The following LRRK1 variants were observed in gnomAD, a reference collection of about 807,000 sequenced individuals.
The protein encoded by LRRK1 is leucine rich repeat kinase 1, also known as leucine-rich repeat serine/threonine-protein kinase 1.
LRRK1 carries 113 observed loss-of-function variants against 209.1 expected under a neutral mutation model. The observed-to-expected ratio is 0.54, with a 90% confidence interval of 0.46 to 0.63. LRRK1 has a LOEUF of 0.63. Ranked by LOEUF, LRRK1 falls within the 30% of genes least tolerant of loss-of-function variation. The probability of loss-of-function intolerance (pLI) is 0.00; values close to 1 mark genes in which losing one functional copy is unlikely to be tolerated. For missense variants in LRRK1, 2,284 were observed against 2,632.2 expected (o/e 0.87, Z 2.89); for synonymous variants, 1,144 against 1,099.7 (o/e 1.04, Z -0.80).
rs1294112177 is a variant in LRRK1, at chr15:101,065,789, G to A, written c.5352G>A (p.Arg1784=). The A allele has an allele frequency of 6.8e-6, 11 of 1,614,058 alleles. No homozygotes were observed. Among genetic ancestry groups the A allele is most frequent in the African/African-American group, 4.0e-5 (3 of 75,014 alleles). Reference sequence around the variant, plus strand: ...TCTGCGGGGTCCCCAGCCCCCTCAGGGACATGTTTCCCGTGCGGCCCTTGG... The same window carrying A: ...TCTGCGGGGTCCCCAGCCCCCTCAGAGACATGTTTCCCGTGCGGCCCTTGG... The part of the protein sequence containing the change: ...RYFCGVPSPL[R]DMFPVRPLDT... Residue 1784 remains arginine (R), a synonymous_variant, in exon 32 of 34, where the codon AGG becomes AGA. Transcript: ENST00000388948.
chr15:100,999,288 C>T (rs1009324633), intron 6 of LRRK1, among the ~76,000 whole-genome samples: 2 of 152,094 alleles, frequency 1.3e-5, no homozygotes, highest in Admixed American at 1.3e-4. Context: ...TTTTAAAAAC[C>T]TCTCTACCTG....
At chr15:100,985,103 C>G (rs1039798449) in intron 4 of LRRK1, among the ~76,000 whole-genome samples, 7 of 151,954 alleles carry the variant, frequency 4.6e-5, no homozygotes, top group African/African-American at 1.7e-4. Flanking sequence ...TTTGATAGAT[C>G]TGTGCTCAGC....
At chr15:101,010,951 A>T (rs185527259) in intron 9 of LRRK1, 114 bp downstream of exon 9, 2 of 889,072 alleles carry the variant, frequency 2.2e-6, no homozygotes, top group Admixed American at 5.8e-5. Context: ...GAAGCCGGGT[A>T]GAAGGGCCCG....
intron 2 of LRRK1, among the ~76,000 whole-genome samples, chr15:100,961,404 C>T (rs548214907): frequency 3.3e-5 from 5 of 152,234 alleles, no homozygotes; most frequent in Admixed American, 1.3e-4. Flanking sequence ...CCTGTAATCC[C>T]AGCACTTTGG....
intron 23 of LRRK1, among the ~76,000 whole-genome samples, chr15:101,051,315 T>C (rs996233009): frequency 1.3e-5 from 2 of 152,216 alleles, no homozygotes; most frequent in Non-Finnish European, 2.9e-5. Context: ...GTAAACCTGA[T>C]GTTTCTAATT....
intron 2 of LRRK1, among the ~76,000 whole-genome samples, chr15:100,971,967 ATTTTTT>A (rs35045867): frequency 6.8e-6 from 1 of 147,306 alleles, no homozygotes; most frequent in African/African-American, 2.5e-5. Context: ...TGACAAAAGA[ATTTTTT>A]TTTTTTTTAG....
chr15:100,920,340 C>T (rs568334795), intron 1 of LRRK1: 8 of 152,346 alleles, frequency 5.3e-5, no homozygotes, highest in Non-Finnish European at 7.3e-5. Context: ...CACAGGGTAT[C>T]AAAATGCCCA....
At chr15:101,067,360 C>T (rs747082232) in intron 33 of LRRK1, 1 of 446,690 alleles carries the variant, frequency 2.2e-6, no homozygotes. Context: ...TGTTTACACC[C>T]CGCACTTTGA....
At chr15:100,999,252 A>G (rs1296294000) in intron 6 of LRRK1, among the ~76,000 whole-genome samples, 3 of 152,226 alleles carry the variant, frequency 2.0e-5, no homozygotes, top group African/African-American at 7.2e-5. Flanking sequence ...GAAATATTAC[A>G]GAAAAAAGTA....
In LRRK1 at chr15:101,071,088, C is replaced by A. The variant is rs1461463251; in HGVS notation, c.*2240C>A. On this transcript the variant is annotated 3_prime_UTR_variant, in exon 34 of 34. Coordinates refer to ENST00000388948, the MANE Select transcript of LRRK1 (RefSeq NM_024652.6). Reference sequence around the variant, plus strand: ...CCTCACCCAACAGCAGGGAAACAGTCTCCACAACAGTAAAATGTTGCTGGG... The same window carrying A: ...CCTCACCCAACAGCAGGGAAACAGTATCCACAACAGTAAAATGTTGCTGGG... 1 of 152,272 alleles carries A rather than the reference C, an allele frequency of 6.6e-6. No homozygotes were observed. The highest frequency in any genetic ancestry group is 1.9e-4 in the East Asian group (1 of 5,204). The allele number at this position is 152,272 out of a possible 1,614,324, so 9.4% of individuals were successfully genotyped here.
chr15:101,048,473 G>A, intron 21 of LRRK1, 21 bp from the exon 22 acceptor site: 1 of 1,597,924 alleles, frequency 6.3e-7, no homozygotes, highest in East Asian at 2.3e-5. Context: ...ACTTAAGCAG[G>A]GTCTTTTCTC....
At chr15:101,032,899 A>T (rs1307380482) in intron 20 of LRRK1, among the ~76,000 whole-genome samples, 1 of 152,208 alleles carries the variant, frequency 6.6e-6, no homozygotes, top group Non-Finnish European at 1.5e-5. Context: ...GTAGCTTTAG[A>T]GTAAGACTTG....
At chr15:101,067,922 G>A (rs1194795124) in intron 33 of LRRK1, among the ~76,000 whole-genome samples, 1 of 152,192 alleles carries the variant, frequency 6.6e-6, no homozygotes, top group Non-Finnish European at 1.5e-5. Flanking sequence ...CCTCTTTCTC[G>A]CTAGAGGGAG....
intron 2 of LRRK1, among the ~76,000 whole-genome samples, chr15:100,929,528 G>A (rs1158003851): frequency 6.6e-6 from 1 of 152,148 alleles, no homozygotes; most frequent in Admixed American, 6.5e-5. Context: ...GCTCAAGTAG[G>A]GTCTCTTCCT....
Position 101,069,157 on chromosome 15 carries a change from G to A in LRRK1, c.*309G>A. 1 of 248,548 alleles carries A rather than the reference G, an allele frequency of 4.0e-6. No individual in the cohort carries two copies. Among genetic ancestry groups the A allele is most frequent in the Non-Finnish European group, 7.8e-6 (1 of 128,810 alleles). 15.4% of individuals were successfully genotyped at this position (248,548 alleles called of 1,614,324 possible). On this transcript the variant is annotated 3_prime_UTR_variant, in exon 34 of 34. Transcript: ENST00000388948. ...CCCCCATCAGTTTGCAGGAGCAGGG[G>A]TGCAGGATCCTGTTCTGAGCTGGGT...
chr15:101,039,834 CTGT>C (rs950391275), intron 20 of LRRK1, among the ~76,000 whole-genome samples: 5 of 152,276 alleles, frequency 3.3e-5, no homozygotes, highest in African/African-American at 1.2e-4. Flanking sequence ...TGTTCTGCCT[CTGT>C]TAATTTTTTT....
intron 20 of LRRK1, among the ~76,000 whole-genome samples, chr15:101,030,655 C>T (rs1365965396): frequency 2.0e-5 from 3 of 152,176 alleles, no homozygotes; most frequent in African/African-American, 7.2e-5. Flanking sequence ...CCACTCCTCA[C>T]CCCACCTGGA....
intron 3 of LRRK1, among the ~76,000 whole-genome samples, chr15:100,977,272 C>T (rs543454706): frequency 3.2e-4 from 48 of 152,150 alleles, no homozygotes; most frequent in African/African-American, 1.1e-3. Context: ...AGGAAACTTA[C>T]AGGCAGTCAA....
At chr15:100,956,450 T>TTTTTCTTTTTC (rs1555460611) in intron 2 of LRRK1, among the ~76,000 whole-genome samples, 32,795 of 62,522 alleles carry the variant, frequency 0.52, 9,726 homozygotes, top group South Asian at 0.72. Context: ...TTTCCTTTTT[T>TTTTTCTTTTTC]TTTTCTTTTT....
Sources: gnomAD v4.1 joint callset for allele counts (sites outside exome capture counted in the v4.1 genomes callset) on GRCh38, gnomAD v4.1.1 for gene constraint, MANE v1.5 for transcripts, NCBI Gene and HGNC (gene_info 2026-07-23, HGNC 2026-07-21) for gene names.